The following CALN1 variants were observed in gnomAD, a reference collection of about 807,000 sequenced individuals.
CALN1 encodes calcium-binding protein 8.
A neutral mutation model predicts 30.6 loss-of-function variants in CALN1; 17 were observed. That is an observed-to-expected ratio of 0.56 (90% CI 0.38 to 0.83). The LOEUF is 0.83. Among genes scored for constraint, CALN1 ranks in the 40% least tolerant of loss-of-function variants. CALN1 has a pLI of 0.00. For synonymous variants in CALN1, 156 were observed against 131.4 expected (o/e 1.19, Z -1.28); for missense variants, 291 against 354.9 (o/e 0.82, Z 1.45).
At position 72,055,034 on chromosome 7, in the gene CALN1, C is replaced by T. The variant is rs552819178; in HGVS notation, c.389-31265G>A. On this transcript the variant is annotated intron_variant, in intron 4 of 6. Coordinates refer to ENST00000395275, the MANE Select transcript of CALN1 (RefSeq NM_031468.4). ...GAATTCCAAAGAAAGAACAAAAGAACGGATGGAAGAGAAATGCTGTTCATG... is the reference window on the plus strand; with the variant it reads ...GAATTCCAAAGAAAGAACAAAAGAATGGATGGAAGAGAAATGCTGTTCATG... Among the ~76,000 whole-genome samples the T allele has an allele frequency of 6.6e-5, 10 of 152,232 alleles. No homozygotes were observed. In the East Asian group the frequency reaches 9.6e-4, roughly 15 times the overall value.
intron 5 of CALN1, among the ~76,000 whole-genome samples, chr7:71,908,179 T>C (rs1321630031): frequency 2.0e-5 from 3 of 152,194 alleles, no homozygotes; most frequent in Admixed American, 6.5e-5. Flanking sequence ...CCTGAACCCT[T>C]TGGTGGCCCC....
chr7:72,238,404 T>G (rs1057235969), intron 3 of CALN1, among the ~76,000 whole-genome samples: 1 of 152,172 alleles, frequency 6.6e-6, no homozygotes, highest in Admixed American at 6.5e-5. Flanking sequence ...TTGAATGAAT[T>G]ATTTAATGAG....
chr7:72,042,648 A>C (rs1438143768), intron 4 of CALN1, among the ~76,000 whole-genome samples: 2 of 152,098 alleles, frequency 1.3e-5, no homozygotes, highest in Non-Finnish European at 2.9e-5. Flanking sequence ...AGGCTGCAGG[A>C]TTGCTTGAGG....
chr7:72,269,098 A>C (rs1316506798), intron 3 of CALN1, among the ~76,000 whole-genome samples: 2 of 152,188 alleles, frequency 1.3e-5, no homozygotes, highest in African/African-American at 4.8e-5. Flanking sequence ...TCTGCAGGGT[A>C]GGACAGGAGA....
intron 5 of CALN1, among the ~76,000 whole-genome samples, chr7:71,933,385 C>T (rs148756187): frequency 1.4e-3 from 208 of 152,234 alleles, no homozygotes; most frequent in African/African-American, 4.6e-3. Flanking sequence ...ACGCCGCCGC[C>T]GGCTGGTCTT....
intron 2 of CALN1, among the ~76,000 whole-genome samples, chr7:72,364,777 C>T (rs1226942332): frequency 1.3e-5 from 2 of 152,210 alleles, no homozygotes; most frequent in East Asian, 3.8e-4. Flanking sequence ...AAACATCACA[C>T]TGTGCCCCAT....
At chr7:71,915,737 C>T (rs1029597191) in intron 5 of CALN1, among the ~76,000 whole-genome samples, 7 of 130,684 alleles carry the variant, frequency 5.4e-5, no homozygotes, top group African/African-American at 1.8e-4. Context: ...CGTCTCAAAA[C>T]AAAAACCAAC....
intron 2 of CALN1, among the ~76,000 whole-genome samples, chr7:72,323,789 A>G (rs2129557491): frequency 6.6e-6 from 1 of 152,312 alleles, no homozygotes; most frequent in Admixed American, 6.5e-5. Context: ...CATGCCTGTA[A>G]TCCCGGCACT....
chr7:72,357,682 T>G (rs1803315524), intron 2 of CALN1, among the ~76,000 whole-genome samples: 1 of 151,704 alleles, frequency 6.6e-6, no homozygotes. Context: ...TGAGATAACA[T>G]GTTTAGCCTA....
chr7:72,272,294 G>A (rs375539797), intron 3 of CALN1, among the ~76,000 whole-genome samples: 94 of 152,154 alleles, frequency 6.2e-4, no homozygotes, highest in African/African-American at 2.1e-3. Flanking sequence ...AGGTGTGTTC[G>A]CTCATGCCTA....
chr7:71,953,980 G>A (rs1314192335), intron 5 of CALN1, among the ~76,000 whole-genome samples: 1 of 152,222 alleles, frequency 6.6e-6, no homozygotes, highest in Non-Finnish European at 1.5e-5. Context: ...AAGAGAACCT[G>A]AGAATCTGGC....
At chr7:71,831,372 C>A (rs1465215038) in intron 5 of CALN1, among the ~76,000 whole-genome samples, 1 of 151,980 alleles carries the variant, frequency 6.6e-6, no homozygotes, top group Non-Finnish European at 1.5e-5. Context: ...CACAGCTACT[C>A]AGGAGGCTGA....
At chr7:72,296,470 C>T (rs1250538469) in intron 2 of CALN1, among the ~76,000 whole-genome samples, 2 of 151,248 alleles carry the variant, frequency 1.3e-5, no homozygotes, top group African/African-American at 2.4e-5. Context: ...CTGTAGAATT[C>T]GGCCGTGAAT....
intron 4 of CALN1, among the ~76,000 whole-genome samples, chr7:72,058,634 T>C (rs1241171515): frequency 1.3e-5 from 2 of 152,080 alleles, no homozygotes; most frequent in Non-Finnish European, 2.9e-5. Flanking sequence ...GCTGGAATCT[T>C]TAGAGAACAC....
intron 5 of CALN1, among the ~76,000 whole-genome samples, chr7:71,956,134 T>C (rs1562934174): frequency 6.6e-6 from 1 of 151,958 alleles, no homozygotes; most frequent in Admixed American, 6.6e-5. Flanking sequence ...ATTACAGACA[T>C]GTGCCACCAT....
intron 3 of CALN1, among the ~76,000 whole-genome samples, chr7:72,212,136 A>C (rs1003142236): frequency 1.3e-5 from 2 of 152,048 alleles, no homozygotes; most frequent in Non-Finnish European, 2.9e-5. Context: ...GCAGATAAGG[A>C]GGTCAGGAGA....
At chr7:71,848,546 C>T (rs1334433175) in intron 5 of CALN1, among the ~76,000 whole-genome samples, 1 of 152,022 alleles carries the variant, frequency 6.6e-6, no homozygotes, top group African/African-American at 2.4e-5. Flanking sequence ...TGTAAACATA[C>T]AGAATAACAC....
At position 71,904,427 on chromosome 7, in the gene CALN1, G is replaced by A. The variant is rs544974145; in HGVS notation, c.502-93935C>T. Among the ~76,000 whole-genome samples the A allele has an allele frequency of 2.0e-5, 3 of 152,240 alleles. No homozygotes were observed. In the East Asian group the frequency reaches 5.8e-4, roughly 29 times the overall value. On this transcript the variant is annotated intron_variant, in intron 5 of 6. Transcript: ENST00000395275. The stretch of plus-strand genomic sequence containing the variant: ...GATGGAACTAGAGGACATTGTTAAG[G>A]GAAATAAGCCAGGCATAGAAAGACA...
chr7:72,151,892 T>G (rs1053725790), intron 3 of CALN1, among the ~76,000 whole-genome samples: 7 of 148,360 alleles, frequency 4.7e-5, no homozygotes, highest in Non-Finnish European at 8.9e-5. Context: ...TATTTTTTAT[T>G]TTTATTTTTA....
Sources: gnomAD v4.1 joint callset for allele counts (sites outside exome capture counted in the v4.1 genomes callset) on GRCh38, gnomAD v4.1.1 for gene constraint, MANE v1.5 for transcripts, NCBI Gene and HGNC (gene_info 2026-07-23, HGNC 2026-07-21) for gene names.